The following INPP5A variants were observed in gnomAD, a reference collection of about 807,000 sequenced individuals.
INPP5A encodes inositol polyphosphate-5-phosphatase A, also known as 43 kDa inositol polyphosphate 5-phophatase.
Under a neutral mutation model 65.2 loss-of-function variants are expected in INPP5A, and 14 were observed. That is an observed-to-expected ratio of 0.21 (90% CI 0.14 to 0.34). The LOEUF (loss-of-function observed/expected upper bound fraction) is 0.34. Among genes scored for constraint, INPP5A ranks in the 10% least tolerant of loss-of-function variants. The pLI, the probability that INPP5A is intolerant of heterozygous loss-of-function variation, is 1.00. For synonymous variants in INPP5A, 207 were observed against 208.3 expected, an observed-to-expected ratio of 0.99 and a Z score of 0.05; for missense variants, 431 against 545.6, an observed-to-expected ratio of 0.79 and a Z score of 2.09.
rs2070969564 is a variant in INPP5A at position 132,546,232 on chromosome 10, C to T, written c.75+8061C>T. 6.6e-6 allele frequency among the ~76,000 whole-genome samples: 1 copy of T among 152,232 alleles called. No individual in the cohort carries two copies. The highest frequency in any genetic ancestry group is 2.4e-5 in the African/African-American group (1 of 41,468). ...GGTCTAGGGTGATGGCGCTCCCAGC[C>T]CGCGGGGGTCTTGGCGTTGGCGCAG... On this transcript the variant is annotated intron_variant, in intron 1 of 15. Transcript: ENST00000368594. This position sits in a 1 kb window ranked among gnomAD's most constrained non-coding sequence, Gnocchi z 5.7.
At chr10:132,552,308 G>A (rs907221588) in intron 1 of INPP5A, among the ~76,000 whole-genome samples, 1 of 147,346 alleles carries the variant, frequency 6.8e-6, no homozygotes, top group African/African-American at 2.6e-5. Context: ...CGCCTTCTCA[G>A]AGCCTTGGTG....
At position 132,676,065 on chromosome 10, in the gene INPP5A, G is replaced by A. The variant is rs188281437; in HGVS notation, c.307-14327G>A. Among the ~76,000 whole-genome samples the A allele has an allele frequency of 9.1e-4, 139 of 152,222 alleles. 1 individual carries two copies. Among genetic ancestry groups the A allele is most frequent in the Admixed American group, 2.6e-3 (40 of 15,290 alleles). ...GGCATAAAAGTTTATTGATTTACTT[G>A]TATAATCATTTATACGTAGAAAAAT... On this transcript the variant is annotated intron_variant, in intron 4 of 15. Transcript: ENST00000368594. This position sits in a 1 kb window ranked among gnomAD's most constrained non-coding sequence, Gnocchi z 4.0.
chr10:132,708,445 A>AC (rs1240390666), intron 7 of INPP5A, 80 bp downstream of exon 7: 3 of 1,357,448 alleles, frequency 2.2e-6, no homozygotes, highest in Non-Finnish European at 3.2e-6. Flanking sequence ...TGTTCCACAC[A>AC]CCTCATTGGA....
chr10:132,619,982 C>T (rs2072089251), intron 2 of INPP5A, among the ~76,000 whole-genome samples: 1 of 152,250 alleles, frequency 6.6e-6, no homozygotes, highest in Non-Finnish European at 1.5e-5. Context: ...TGTGCACCTA[C>T]AGGCTTAACA....
intron 1 of INPP5A, among the ~76,000 whole-genome samples, chr10:132,576,825 C>T (rs944293522): frequency 2.0e-5 from 3 of 152,156 alleles, no homozygotes; most frequent in African/African-American, 7.2e-5. Flanking sequence ...GATGGGGAGC[C>T]GAGGGTCGCA....
intron 2 of INPP5A, among the ~76,000 whole-genome samples, chr10:132,621,106 A>G (rs150868654): frequency 1.3e-5 from 2 of 152,366 alleles, no homozygotes; most frequent in Non-Finnish European, 2.9e-5. Flanking sequence ...AACTAGGAAT[A>G]GAAAAGAGCA....
rs112944812 is a variant in INPP5A at position 132,678,382 on chromosome 10, G to A, written c.307-12010G>A. 0.01 allele frequency among the ~76,000 whole-genome samples: 1,584 copies of A among 152,260 alleles called. 32 individuals are homozygous for A. Among genetic ancestry groups the A allele is most frequent in the African/African-American group, 0.037 (1,518 of 41,558 alleles). ...ATCTAATGACTGTTATTATAACTTT[G>A]CTTTGATTTATTACTCAATCTGTTA... On this transcript the variant is annotated intron_variant, in intron 4 of 15. Transcript: ENST00000368594. The surrounding 1 kb of genome is among the most constrained non-coding windows in gnomAD (Gnocchi z 4.1).
chr10:132,664,976 C>CGTTGAGCAGTCAGGG (rs1286613182), intron 4 of INPP5A, among the ~76,000 whole-genome samples: 3 of 152,278 alleles, frequency 2.0e-5, no homozygotes, highest in Admixed American at 6.5e-5. Flanking sequence ...GCAACTGAGG[C>CGTTGAGCAGTCAGGG]GTTGAGCAGT....
chr10:132,756,332 CGT>C (rs543323726), intron 11 of INPP5A, among the ~76,000 whole-genome samples: 175 of 151,544 alleles, frequency 1.2e-3, no homozygotes, highest in African/African-American at 3.7e-3. Flanking sequence ...TGTGTGCACT[CGT>C]GTGTGGTGTA....
At position 132,675,629 on chromosome 10, in the gene INPP5A, G is replaced by A. The variant is rs376661605; in HGVS notation, c.307-14763G>A. Among the ~76,000 whole-genome samples the A allele has an allele frequency of 1.6e-4, 24 of 152,342 alleles. No homozygotes were observed. Among genetic ancestry groups the A allele is most frequent in the East Asian group, 1.4e-3 (7 of 5,180 alleles). Reference sequence around the variant, plus strand: ...GACATTCCCACGGGGATATTCCCACGCGGAGAACTGGGACCCCGATCAGGG... The same window carrying A: ...GACATTCCCACGGGGATATTCCCACACGGAGAACTGGGACCCCGATCAGGG... On this transcript the variant is annotated intron_variant, in intron 4 of 15. Transcript: ENST00000368594. The surrounding 1 kb of genome is among the most constrained non-coding windows in gnomAD (Gnocchi z 4.2).
chr10:132,652,498 G>A (rs982152810), intron 4 of INPP5A, among the ~76,000 whole-genome samples: 1 of 152,172 alleles, frequency 6.6e-6, no homozygotes. Context: ...ACATACCAAC[G>A]CAGGCCAAGG....
At chr10:132,582,423 T>A (rs2071495673) in intron 1 of INPP5A, among the ~76,000 whole-genome samples, 1 of 151,548 alleles carries the variant, frequency 6.6e-6, no homozygotes. Flanking sequence ...AACTTTTTTT[T>A]TTTTTTTTTT....
chr10:132,613,668 C>T (rs755982711), intron 2 of INPP5A, among the ~76,000 whole-genome samples: 56 of 152,334 alleles, frequency 3.7e-4, no homozygotes, highest in Admixed American at 4.6e-4. Flanking sequence ...CACTCTCATG[C>T]TTGTTTTAGC....
Position 132,708,378 on chromosome 10 carries a change from T to C in INPP5A, c.527+13T>C, listed in dbSNP as rs1845573381. The C allele has an allele frequency of 6.2e-7, 1 of 1,612,664 alleles. No homozygotes were observed. The highest frequency in any genetic ancestry group is 1.3e-5 in the African/African-American group (1 of 74,930). On this transcript the variant is annotated intron_variant, in intron 7 of 15. Coordinates refer to ENST00000368594, the MANE Select transcript of INPP5A (RefSeq NM_005539.5). ...GCATTGCAGACTGGTACGTGGTGTCTGTGCTTTGTCAATTTCCATAACGTT... is the reference window on the plus strand; with the variant it reads ...GCATTGCAGACTGGTACGTGGTGTCCGTGCTTTGTCAATTTCCATAACGTT...
chr10:132,553,375 C>T (rs1338772585), intron 1 of INPP5A, among the ~76,000 whole-genome samples: 81 of 102,556 alleles, frequency 7.9e-4, no homozygotes, highest in Middle Eastern at 7.7e-3. Context: ...GGAGGGAGGA[C>T]TGGTGAACGC....
At chr10:132,635,530 G>A (rs1034647347) in intron 2 of INPP5A, among the ~76,000 whole-genome samples, 5 of 150,280 alleles carry the variant, frequency 3.3e-5, no homozygotes, top group African/African-American at 1.2e-4. Context: ...TGAGTAGCTG[G>A]GACTACAGGT....
In INPP5A at chr10:132,704,047, G is replaced by A. The variant is rs553576389; in HGVS notation, c.475-4266G>A. ...CGCGTGGCTTCACCCCCACACACAC[G>A]CAGCTTCACCCGCATGGGTTCTGAA... On this transcript the variant is annotated intron_variant, in intron 6 of 15. Coordinates refer to ENST00000368594, the MANE Select transcript of INPP5A (RefSeq NM_005539.5). This position sits in a 1 kb window ranked among gnomAD's most constrained non-coding sequence, Gnocchi z 4.5. Among the ~76,000 whole-genome samples the A allele has an allele frequency of 8.2e-5, 12 of 145,990 alleles. No individual in the cohort carries two copies. The South Asian group carries it at 1.8e-3, about 22-fold the overall frequency.
chr10:132,697,804 G>T lies in INPP5A; in HGVS notation c.371-12G>T. ...GATGGGATAGTCACCTCGTCCTTCTGGTCTCTTCCAGCTAAGAAGTATAGA... is the reference window on the plus strand; with the variant it reads ...GATGGGATAGTCACCTCGTCCTTCTTGTCTCTTCCAGCTAAGAAGTATAGA... On this transcript the variant is annotated splice_polypyrimidine_tract_variant and intron_variant, in intron 5 of 15. Transcript: ENST00000368594. This position sits in a 1 kb window ranked among gnomAD's most constrained non-coding sequence, Gnocchi z 5.6. 6.4e-7 allele frequency: 1 copy of T among 1,573,770 alleles called. No homozygotes were observed. The highest frequency in any genetic ancestry group is 1.3e-5 in the African/African-American group (1 of 74,106).
Position 132,547,256 on chromosome 10 carries a change from C to T in INPP5A, c.75+9085C>T, listed in dbSNP as rs567588929. ...GGTGGCTCAGGGTGGTCAGGGAGGGCGTGGCTGTCACATGGTTTCTGGACT... is the reference window on the plus strand; with the variant it reads ...GGTGGCTCAGGGTGGTCAGGGAGGGTGTGGCTGTCACATGGTTTCTGGACT... On this transcript the variant is annotated intron_variant, in intron 1 of 15. Coordinates refer to ENST00000368594, the MANE Select transcript of INPP5A (RefSeq NM_005539.5). This position sits in a 1 kb window ranked among gnomAD's most constrained non-coding sequence, Gnocchi z 5.5. Among the ~76,000 whole-genome samples, 7 of 152,286 alleles carry T rather than the reference C, an allele frequency of 4.6e-5. No homozygotes were observed. The East Asian group carries it at 1.4e-3, about 29-fold the overall frequency.
Sources: allele counts gnomAD v4.1 joint callset (sites outside exome capture counted in the v4.1 genomes callset), GRCh38; gene constraint gnomAD v4.1.1; non-coding constraint Gnocchi (gnomAD v3.1); transcripts MANE v1.5; gene names NCBI Gene and HGNC (gene_info 2026-07-23, HGNC 2026-07-21).